DDX52: variants seen among roughly 807,000 people sequenced by gnomAD.
DDX52 encodes the protein DExD-box helicase 52.
In DDX52, 59 loss-of-function variants were observed where a neutral mutation model predicts 76.1. The ratio of observed to expected loss-of-function variants is 0.78; its 90% CI spans 0.63 to 0.96. The LOEUF (loss-of-function observed/expected upper bound fraction) is 0.96, where lower values mean the gene tolerates loss of function less well. Ranked by LOEUF, DDX52 falls within the 40% of genes least tolerant of loss-of-function variation. DDX52 has a pLI of 0.00. For missense variants in DDX52, 707 were observed against 703.9 expected (o/e 1.00, Z -0.05); for synonymous variants, 231 against 244.1 (o/e 0.95, Z 0.50).
At chr17:37,639,467 G>A in intron 2 of DDX52, 1 of 997,442 alleles carries the variant, frequency 1.0e-6, no homozygotes, top group Non-Finnish European at 1.2e-6. Flanking sequence ...GCTGGGCGTG[G>A]TGGCTCACAT....
chr17:37,630,479 G>A (rs894691520), intron 4 of DDX52, among the ~76,000 whole-genome samples: 2 of 151,890 alleles, frequency 1.3e-5, no homozygotes, highest in African/African-American at 4.8e-5. Flanking sequence ...CTAAACTATT[G>A]TCAAAATAAA....
Position 37,610,663 on chromosome 17 carries a change from A to C in DDX52, c.*3633T>G, listed in dbSNP as rs1252051055. On this transcript the variant is annotated 3_prime_UTR_variant, in exon 15 of 15. Transcript: ENST00000617633. ...AATCCTCAGTATCCTTAGGAGTTACAATTGGCATCTTACAGATGAGAAAAT... is the reference window on the plus strand; with the variant it reads ...AATCCTCAGTATCCTTAGGAGTTACCATTGGCATCTTACAGATGAGAAAAT... 1.3e-5 allele frequency: 2 copies of C among 152,172 alleles called. No homozygotes were observed. The highest frequency in any genetic ancestry group is 1.9e-4 in the East Asian group (1 of 5,202). The allele number at this position is 152,172 out of a possible 1,614,324, so 9.4% of individuals were successfully genotyped here. A position where few individuals can be genotyped will look rare whatever the true frequency, so the allele number is the denominator to read the frequency against.
intron 3 of DDX52, among the ~76,000 whole-genome samples, chr17:37,632,563 GC>G (rs2030733551): frequency 6.6e-6 from 1 of 152,114 alleles, no homozygotes; most frequent in South Asian, 2.1e-4. Flanking sequence ...TTCTTAGAAG[GC>G]AGGCATTGAA....
At position 37,614,014 on chromosome 17, in the gene DDX52, G is replaced by A; in HGVS notation, c.*282C>T. On this transcript the variant is annotated 3_prime_UTR_variant, in exon 15 of 15. Coordinates refer to ENST00000617633, the MANE Select transcript of DDX52 (RefSeq NM_007010.5). ...GCAGCAGCTTGTGCCTGTAATCTCA[G>A]TTACTCAGGAGGCTAAGGCAGGAGG... is the stretch of plus-strand genomic sequence containing the variant. 1 of 327,886 alleles carries A rather than the reference G, an allele frequency of 3.0e-6. No individual in the cohort carries two copies. Among genetic ancestry groups the A allele is most frequent in the Non-Finnish European group, 5.5e-6 (1 of 181,794 alleles). 20.3% of individuals were successfully genotyped at this position (327,886 alleles called of 1,614,324 possible). A position where few individuals can be genotyped will look rare whatever the true frequency, so the allele number is the denominator to read the frequency against.
rs2064373845 is a variant in DDX52 at position 37,612,032 on chromosome 17, A to C, written c.*2264T>G. 1.3e-5 allele frequency: 2 copies of C among 149,224 alleles called. No homozygotes were observed. Among genetic ancestry groups the C allele is most frequent in the South Asian group, 4.2e-4 (2 of 4,804 alleles). The allele number at this position is 149,224 out of a possible 1,614,324, so 9.2% of individuals were successfully genotyped here. ...GTAAGCTAAGGTTAATTTATTGAAG[A>C]AAAAATATATATCTAATATATATAA... On this transcript the variant is annotated 3_prime_UTR_variant, in exon 15 of 15. Coordinates refer to ENST00000617633, the MANE Select transcript of DDX52 (RefSeq NM_007010.5).
In DDX52 at chr17:37,621,513, T is replaced by G. The variant is rs772052614; in HGVS notation, c.1235A>C (p.Asn412Thr). 34 of 1,608,566 alleles carry G rather than the reference T, an allele frequency of 2.1e-5. No homozygotes were observed. Among genetic ancestry groups the G allele is most frequent in the Non-Finnish European group, 2.8e-5 (33 of 1,178,726 alleles). The change falls in exon 10 of 15, where the codon AAT becomes ACT. Residue 412 changes from asparagine to threonine, a missense_variant. Asn to Thr is a moderately conservative substitution (Grantham distance 65, BLOSUM62 0). Coordinates refer to ENST00000617633, the MANE Select transcript of DDX52 (RefSeq NM_007010.5). ...CTGAACAAAAACAAGAACAGGTGGA[T>G]TGAAACCCTAAAAGAAGACAAAAAT... is the stretch of plus-strand genomic sequence containing the variant. Reference protein sequence around the residue: ...AVRELVKKGFNPPVLVFVQSI... With the variant: ...AVRELVKKGFTPPVLVFVQSI...
In DDX52 at chr17:37,613,952, T is replaced by G; in HGVS notation, c.*344A>C. On this transcript the variant is annotated 3_prime_UTR_variant, in exon 15 of 15. Transcript: ENST00000617633. ...GAAATGTCAATGAATGTTATTTCCA[T>G]TGTATAATCATTTAAAAGTCACCTA... is the stretch of plus-strand genomic sequence containing the variant. 5.0e-6 allele frequency: 1 copy of G among 199,386 alleles called. No homozygotes were observed. Among genetic ancestry groups the G allele is most frequent in the Non-Finnish European group, 1.0e-5 (1 of 99,414 alleles). 12.4% of individuals were successfully genotyped at this position (199,386 alleles called of 1,614,324 possible). A position where few individuals can be genotyped will look rare whatever the true frequency, so the allele number is the denominator to read the frequency against.
At chr17:37,627,321 GTAGCTGGGACTACCAC>G (rs1165953203) in intron 6 of DDX52, among the ~76,000 whole-genome samples, 1 of 152,224 alleles carries the variant, frequency 6.6e-6, no homozygotes, top group Non-Finnish European at 1.5e-5. Context: ...TCACTCCCGA[GTAGCTGGGACTACCAC>G]TAGCTGGGAC....
At position 37,618,329 on chromosome 17, in the gene DDX52, T is replaced by A; in HGVS notation, c.1705A>T (p.Thr569Ser). The A allele has an allele frequency of 6.3e-7, 1 of 1,597,326 alleles. No individual in the cohort carries two copies. Among genetic ancestry groups the A allele is most frequent in the Non-Finnish European group, 8.5e-7 (1 of 1,175,464 alleles). The change falls in exon 14 of 15, where the codon ACT becomes TCT. Residue 569 changes from threonine to serine, a missense_variant. Transcript: ENST00000617633. ...GCTTTTTCTAAGAAACATTTTGGAG[T>A]TGTACTAATGCTCTCCCTTTCCAAT... ...KPLERESIST[T>S]PKCFLEKAKD...
chr17:37,636,686 T>C (rs1041942163), intron 2 of DDX52, among the ~76,000 whole-genome samples: 1 of 152,202 alleles, frequency 6.6e-6, no homozygotes, highest in Non-Finnish European at 1.5e-5. Context: ...AAATCACTGA[T>C]GCTTTATGAA....
At chr17:37,636,964 C>T (rs1355442572) in intron 2 of DDX52, among the ~76,000 whole-genome samples, 9 of 152,050 alleles carry the variant, frequency 5.9e-5, no homozygotes, top group Admixed American at 2.0e-4. Context: ...TTGGCTTACA[C>T]CACATATATA....
chr17:37,630,914 A>G (rs183376183), intron 4 of DDX52: 110 of 152,386 alleles, frequency 7.2e-4, no homozygotes, highest in African/African-American at 2.6e-3. Context: ...TGCTGGGATT[A>G]GAGGCGTGAG....
chr17:37,629,967 C>A, intron 5 of DDX52, 63 bp downstream of exon 5: 1 of 1,549,396 alleles, frequency 6.5e-7, no homozygotes, highest in Non-Finnish European at 8.7e-7. Context: ...TTATTACCTT[C>A]AAATAAGAAA....
At position 37,633,413 on chromosome 17, in the gene DDX52, C is replaced by A. The variant is rs767722354; in HGVS notation, c.292G>T (p.Ala98Ser). Residue 98 changes from alanine to serine, a missense_variant, in exon 3 of 15, where the codon GCT becomes TCT. Coordinates refer to ENST00000617633, the MANE Select transcript of DDX52 (RefSeq NM_007010.5). Reference protein sequence around the residue: ...KKRKTMTSEIASQEEGATIQW... With the variant: ...KKRKTMTSEISSQEEGATIQW... Reference sequence around the variant, plus strand: ...ATAGTAGCACCTTCTTCTTGGGAAGCAATTTCTAAAATATATTTTTAAAAA... The same window carrying A: ...ATAGTAGCACCTTCTTCTTGGGAAGAAATTTCTAAAATATATTTTTAAAAA... The A allele has an allele frequency of 2.6e-6, 4 of 1,556,884 alleles. No homozygotes were observed. In the South Asian group the frequency reaches 3.8e-5, roughly 15 times the overall value.
intron 2 of DDX52, 47 bp downstream of exon 2, chr17:37,642,063 C>T: frequency 6.2e-7 from 1 of 1,603,696 alleles, no homozygotes. Context: ...ATTTTTATAA[C>T]TGAAAAAAAT....
intron 2 of DDX52, among the ~76,000 whole-genome samples, chr17:37,638,960 C>T (rs1255290499): frequency 2.0e-5 from 3 of 151,704 alleles, no homozygotes; most frequent in South Asian, 2.1e-4. Flanking sequence ...TTAGTAGAGA[C>T]GGAGTTTCAC....
Position 37,621,483 on chromosome 17 carries a change from A to G in DDX52, c.1265T>C (p.Ile422Thr). 1 of 1,613,616 alleles carries G rather than the reference A, an allele frequency of 6.2e-7. No individual in the cohort carries two copies. ...ATGAAAAAGTTCTTTAGCCCTTTCA[A>G]TGGACTGAACAAAAACAAGAACAGG... ...NPPVLVFVQS[I>T]ERAKELFHEL... The change falls in exon 10 of 15, where the codon ATT becomes ACT. Residue 422 changes from isoleucine to threonine, a missense_variant. Coordinates refer to ENST00000617633, the MANE Select transcript of DDX52 (RefSeq NM_007010.5).
intron 14 of DDX52, 139 bp from the exon 15 acceptor site, chr17:37,614,492 A>AGAGACCATGTCTAATGCATC: frequency 3.9e-6 from 3 of 775,758 alleles, no homozygotes; most frequent in Non-Finnish European, 6.1e-6. Flanking sequence ...ACAAAGATGC[A>AGAGACCATGTCTAATGCATC]TTAGACATGG....
At chr17:37,619,542 C>T (rs1347861467) in intron 13 of DDX52, among the ~76,000 whole-genome samples, 1 of 151,628 alleles carries the variant, frequency 6.6e-6, no homozygotes, top group Non-Finnish European at 1.5e-5. Context: ...ATTTCTACTC[C>T]CCAAAAATCT....
Sources: gnomAD v4.1 joint callset for allele counts (sites outside exome capture counted in the v4.1 genomes callset) on GRCh38, gnomAD v4.1.1 for gene constraint, MANE v1.5 for transcripts, NCBI Gene and HGNC (gene_info 2026-07-23, HGNC 2026-07-21) for gene names.